Variants in DMD observed in about 807,000 individuals in gnomAD.
DMD encodes the protein mutant dystrophin.
In DMD, 63 loss-of-function variants were observed where a neutral mutation model predicts 330.1. The observed-to-expected ratio is 0.19, with a 90% CI of 0.16 to 0.24. DMD has a LOEUF of 0.24. Ranked by LOEUF, DMD falls within the 10% of genes least tolerant of loss-of-function variation. The probability of loss-of-function intolerance (pLI) is 1.00; values close to 1 mark genes in which losing one functional copy is unlikely to be tolerated. For synonymous variants in DMD, 1,223 were observed against 959.8 expected (o/e 1.27, Z -5.07); for missense variants, 3,344 against 2,684.1 (o/e 1.25, Z -5.43).
chrX:31,148,879 C>A (rs779040031), intron 74 of DMD, among the ~76,000 whole-genome samples: 7 of 111,833 alleles, frequency 6.3e-5, no homozygotes, highest in African/African-American at 2.3e-4. Flanking sequence ...TCTTTTTAAA[C>A]CTTTGGATAT....
At chrX:32,456,956 G>GT (rs1266859734) in intron 25 of DMD, among the ~76,000 whole-genome samples, 377 of 34,777 alleles carry the variant, frequency 0.011, no homozygotes, top group African/African-American at 0.024. Flanking sequence ...GGTCCAGATT[G>GT]TTAAAAAAAA....
At chrX:32,383,390 T>A (rs190496632) in intron 33 of DMD, among the ~76,000 whole-genome samples, 1 of 111,717 alleles carries the variant, frequency 9.0e-6, no homozygotes, top group African/African-American at 3.2e-5. Context: ...AAGGGTTCCT[T>A]CTTACATAAA....
intron 51 of DMD, among the ~76,000 whole-genome samples, chrX:31,765,610 C>T (rs1359687971): frequency 8.9e-6 from 1 of 111,894 alleles, no homozygotes; most frequent in Non-Finnish European, 1.9e-5. Context: ...TATTTAATTA[C>T]AGACTATTAA....
intron 2 of DMD, among the ~76,000 whole-genome samples, chrX:32,875,069 A>C (rs1207147601): frequency 8.9e-6 from 1 of 112,227 alleles, no homozygotes; most frequent in Non-Finnish European, 1.9e-5. Flanking sequence ...AAGAGATGTT[A>C]TTTTAAGCCA....
intron 18 of DMD, among the ~76,000 whole-genome samples, chrX:32,515,695 T>C (rs1009506827): frequency 1.8e-5 from 2 of 111,743 alleles, no homozygotes; most frequent in Non-Finnish European, 3.8e-5. Context: ...AAGCCCAAGA[T>C]TGTGTCCTAG....
intron 47 of DMD, among the ~76,000 whole-genome samples, chrX:31,885,666 G>C (rs1388348265): frequency 9.4e-6 from 1 of 106,397 alleles, no homozygotes; most frequent in Non-Finnish European, 1.9e-5. Flanking sequence ...TTGATAAATG[G>C]ATCTATTTAA....
chrX:33,157,771 A>G (rs1289394343), intron 1 of DMD, among the ~76,000 whole-genome samples: 3 of 112,001 alleles, frequency 2.7e-5, no homozygotes, highest in East Asian at 5.7e-4. Flanking sequence ...AGCCAGGGTA[A>G]CATGGCAAAA....
intron 1 of DMD, among the ~76,000 whole-genome samples, chrX:33,059,463 G>T (rs893814223): frequency 9.0e-6 from 1 of 110,614 alleles, no homozygotes; most frequent in Non-Finnish European, 1.9e-5. Flanking sequence ...CAGGAAAAGG[G>T]GTTCAAGAAG....
chrX:32,015,532 G>T (rs140363984), intron 44 of DMD, among the ~76,000 whole-genome samples: 1,126 of 111,564 alleles, frequency 0.01, 24 homozygotes, highest in African/African-American at 0.034. Flanking sequence ...GTTCCCAAGT[G>T]ATGCTAACGC....
chrX:32,156,378 C>T (rs2096830448), intron 44 of DMD, among the ~76,000 whole-genome samples: 1 of 111,807 alleles, frequency 8.9e-6, no homozygotes, highest in Non-Finnish European at 1.9e-5. Context: ...GACTTCGTCT[C>T]AAAAAAATAA....
At chrX:33,110,564 T>C (rs1023833886) in intron 1 of DMD, among the ~76,000 whole-genome samples, 4 of 111,863 alleles carry the variant, frequency 3.6e-5, no homozygotes, top group Non-Finnish European at 5.6e-5. Flanking sequence ...GGATTTGATA[T>C]AAAAATATTG....
intron 21 of DMD, 34 bp from the exon 22 acceptor site, chrX:32,472,343 T>G: frequency 9.2e-6 from 11 of 1,198,667 alleles, no homozygotes; most frequent in Non-Finnish European, 1.2e-5. Flanking sequence ...TGAGAATCAC[T>G]TAATTGTTTC....
intron 44 of DMD, among the ~76,000 whole-genome samples, chrX:32,158,308 G>A (rs1233173968): frequency 9.0e-6 from 1 of 111,247 alleles, no homozygotes; most frequent in Non-Finnish European, 1.9e-5. Context: ...TGAGGTGGGA[G>A]GATCATTTGA....
intron 44 of DMD, among the ~76,000 whole-genome samples, chrX:32,065,028 A>G (rs1419226626): frequency 9.0e-6 from 1 of 111,542 alleles, no homozygotes; most frequent in African/African-American, 3.2e-5. Context: ...GAAGCAACCA[A>G]TGATAAAAGA....
chrX:32,170,386 C>T (rs1162617895), intron 44 of DMD, among the ~76,000 whole-genome samples: 1 of 109,170 alleles, frequency 9.2e-6, no homozygotes, highest in Non-Finnish European at 1.9e-5. Flanking sequence ...GCAGGAGAAT[C>T]GCTTGAATCT....
chrX:32,291,869 A>C (rs1239266953), intron 42 of DMD, among the ~76,000 whole-genome samples: 1 of 111,893 alleles, frequency 8.9e-6, no homozygotes, highest in Non-Finnish European at 1.9e-5. Flanking sequence ...TACATGGACT[A>C]GGCTTTCTGA....
chrX:32,109,214 A>G (rs762132711), intron 44 of DMD, among the ~76,000 whole-genome samples: 7 of 111,290 alleles, frequency 6.3e-5, no homozygotes, highest in South Asian at 3.7e-4. Flanking sequence ...CACTCAATCT[A>G]TCTGAGAAGA....
intron 44 of DMD, among the ~76,000 whole-genome samples, chrX:32,189,812 G>T (rs763858821): frequency 9.0e-6 from 1 of 110,852 alleles, no homozygotes; most frequent in Non-Finnish European, 1.9e-5. Flanking sequence ...CTAACTATGA[G>T]TTCATAACTG....
At chrX:32,241,745 C>T (rs2097209441) in intron 43 of DMD, among the ~76,000 whole-genome samples, 1 of 112,243 alleles carries the variant, frequency 8.9e-6, no homozygotes, top group Non-Finnish European at 1.9e-5. Flanking sequence ...TCTGTAAATA[C>T]AGTTCTGTAA....
Sources: allele counts gnomAD v4.1 joint callset (sites outside exome capture counted in the v4.1 genomes callset), GRCh38; gene constraint gnomAD v4.1.1; transcripts MANE v1.5; gene names NCBI Gene and HGNC (gene_info 2026-07-23, HGNC 2026-07-21).